Variants in TET2 observed in about 807,000 individuals in gnomAD.
TET2 encodes the protein methylcytosine dioxygenase TET2.
In TET2, 299 loss-of-function variants were observed where a neutral mutation model predicts 142.9. The observed-to-expected ratio is 2.09, with a 90% CI of 1.90 to 2.30. TET2 has a LOEUF of 2.30. Among genes scored for constraint, TET2 ranks in the 30% most tolerant of loss-of-function variants. The pLI is 0.00. For missense variants in TET2, 2,418 were observed against 2,378.0 expected (o/e 1.02, Z -0.35); for synonymous variants, 819 against 849.0 (o/e 0.96, Z 0.61).
rs772521765 is a variant in TET2, at chr4:105,234,397, G to A, written c.455G>A (p.Ser152Asn). The A allele has an allele frequency of 3.7e-6, 6 of 1,613,910 alleles. No individual in the cohort carries two copies. Among genetic ancestry groups the A allele is most frequent in the South Asian group, 2.2e-5 (2 of 91,074 alleles). Residue 152 changes from serine (S) to asparagine (N), a missense_variant, in exon 3 of 11, where the codon AGT becomes AAT. Physicochemically the swap from Ser to Asn is conservative, Grantham distance 46. Transcript: ENST00000380013. Reference sequence around the variant, plus strand: ...TTGAGTGATAAGAAAGAATCTGTGAGTTCTGTAGCCCAAGAAAATGCAGTT... The same window carrying A: ...TTGAGTGATAAGAAAGAATCTGTGAATTCTGTAGCCCAAGAAAATGCAGTT... ...SDLSDKKESVSSVAQENAVKD... is the reference protein window; with the variant it reads ...SDLSDKKESVNSVAQENAVKD...
In TET2 at chr4:105,236,265, T is replaced by G; in HGVS notation, c.2323T>G (p.Phe775Val). 1.2e-6 allele frequency: 2 copies of G among 1,614,140 alleles called. No individual in the cohort carries two copies. The highest frequency in any genetic ancestry group is 1.7e-6 in the Non-Finnish European group (2 of 1,180,026). Residue 775 changes from phenylalanine to valine, a missense_variant, in exon 3 of 11, where the codon TTC becomes GTC. Phe to Val is a conservative substitution (Grantham distance 50). Transcript: ENST00000380013. ...SNNDQQREGS[F>V]FGQTKVEECF... ...CAATGATCAGCAAAGAGAAGGATCA[T>G]TCTTTGGCCAGACTAAAGTGGAAGA...
intron 2 of TET2, among the ~76,000 whole-genome samples, chr4:105,218,749 TTAAA>T (rs1351250163): frequency 6.6e-6 from 1 of 152,074 alleles, no homozygotes; most frequent in Non-Finnish European, 1.5e-5. Context: ...GTCTTCTCAG[TTAAA>T]TAATTAAAGA....
intron 2 of TET2, among the ~76,000 whole-genome samples, chr4:105,216,564 T>C (rs1273780130): frequency 1.3e-5 from 2 of 152,096 alleles, no homozygotes; most frequent in South Asian, 2.1e-4. Context: ...TGGTGATATT[T>C]GAAGTGTTTA....
At chr4:105,200,637 TGTTTG>T (rs1560746904) in intron 2 of TET2, among the ~76,000 whole-genome samples, 23 of 149,208 alleles carry the variant, frequency 1.5e-4, no homozygotes, top group African/African-American at 5.2e-4. Context: ...TGTTTTTTTT[TGTTTG>T]TTTTGTTTTT....
At chr4:105,176,669 A>G (rs971231165) in intron 1 of TET2, among the ~76,000 whole-genome samples, 5 of 152,214 alleles carry the variant, frequency 3.3e-5, no homozygotes, top group African/African-American at 9.6e-5. Flanking sequence ...TTACATGTTC[A>G]TTGTCAAGAT....
chr4:105,185,996 G>A (rs557894609), intron 1 of TET2, among the ~76,000 whole-genome samples: 4 of 152,270 alleles, frequency 2.6e-5, no homozygotes, highest in South Asian at 4.1e-4. Flanking sequence ...GAAGGTTGAC[G>A]CAGGTGGATC....
Position 105,242,367 on chromosome 4 carries a change from C to A in TET2, c.3501-467C>A, listed in dbSNP as rs1052276476. On this transcript the variant is annotated intron_variant, in intron 4 of 10. Transcript: ENST00000380013. ...TATTTCTAGGACTATTCCATATTTT[C>A]CATGTGGCTGGATACTAACTATTTG... 7.4e-6 allele frequency: 8 copies of A among 1,078,734 alleles called. No individual in the cohort carries two copies. In the African/African-American group the frequency reaches 1.3e-4, roughly 18 times the overall value. 66.8% of individuals were successfully genotyped at this position (1,078,734 alleles called of 1,614,324 possible).
chr4:105,214,460 C>T (rs899026191), intron 2 of TET2, among the ~76,000 whole-genome samples: 7 of 149,726 alleles, frequency 4.7e-5, no homozygotes, highest in African/African-American at 1.7e-4. Context: ...GCACATGCCA[C>T]CACACCTGGC....
rs182034404 is a variant in TET2 at position 105,238,232 on chromosome 4, G to A, written c.3409+881G>A. ...CTAATCTTTTTGCTGGTGGAGGGTC[G>A]TGCTTCAGTATTGATCGCTGTGGAC... is the stretch of plus-strand genomic sequence containing the variant. On this transcript the variant is annotated intron_variant, in intron 3 of 10. Transcript: ENST00000380013. 19 of 236,614 alleles carry A rather than the reference G, an allele frequency of 8.0e-5. No homozygotes were observed. In the East Asian group the frequency reaches 8.5e-4, roughly 11 times the overall value. The allele number at this position is 236,614 out of a possible 1,614,324, so 14.7% of individuals were successfully genotyped here.
intron 6 of TET2, among the ~76,000 whole-genome samples, chr4:105,255,729 G>A (rs979945505): frequency 8.6e-5 from 13 of 151,860 alleles, no homozygotes; most frequent in Middle Eastern, 3.2e-3. Flanking sequence ...TGTAGATATC[G>A]TATAGTTAAA....
chr4:105,247,580 T>C (rs1328372109), intron 6 of TET2, among the ~76,000 whole-genome samples: 1 of 152,168 alleles, frequency 6.6e-6, no homozygotes, highest in Non-Finnish European at 1.5e-5. Context: ...TTAAAGAAAC[T>C]GTGATTTTCT....
At chr4:105,246,295 T>G (rs1368130259) in intron 6 of TET2, among the ~76,000 whole-genome samples, 5 of 152,174 alleles carry the variant, frequency 3.3e-5, no homozygotes, top group Non-Finnish European at 2.9e-5. Context: ...CATGAAGAAC[T>G]TTTATTATTT....
chr4:105,179,693 T>C (rs1169096615), intron 1 of TET2, among the ~76,000 whole-genome samples: 2 of 152,240 alleles, frequency 1.3e-5, no homozygotes, highest in Non-Finnish European at 2.9e-5. Context: ...TTTCTGATAA[T>C]GCATGACTTC....
chr4:105,212,954 C>T (rs1424776224), intron 2 of TET2, among the ~76,000 whole-genome samples: 1 of 152,034 alleles, frequency 6.6e-6, no homozygotes, highest in Non-Finnish European at 1.5e-5. Flanking sequence ...TGTGCCACTG[C>T]ACTCTAGCCT....
rs1309237242 is a variant in TET2, at chr4:105,234,373, T to A, written c.431T>A (p.Leu144Ter). Reference protein sequence around the residue: ...GESSQPNVSDLSDKKESVSSV... With the variant: ...GESSQPNVSD ...AGCAGTCAACCAAATGTCTCCGATT[T>A]GAGTGATAAGAAAGAATCTGTGAGT... Residue 144 changes from leucine to a stop codon, truncating the protein, a stop_gained, in exon 3 of 11, where the codon TTG becomes TAG. Transcript: ENST00000380013. LOFTEE classifies it high-confidence loss of function. 6.2e-7 allele frequency: 1 copy of A among 1,613,918 alleles called. No individual in the cohort carries two copies. The highest frequency in any genetic ancestry group is 8.5e-7 in the Non-Finnish European group (1 of 1,180,018).
chr4:105,248,722 A>G (rs1729707794), intron 6 of TET2, among the ~76,000 whole-genome samples: 1 of 152,196 alleles, frequency 6.6e-6, no homozygotes, highest in South Asian at 2.1e-4. Flanking sequence ...ACATTCACAA[A>G]GCTATGCAAA....
At chr4:105,241,242 G>A (rs1170140598) in intron 3 of TET2, 97 bp from the exon 4 acceptor site, 23 of 1,387,490 alleles carry the variant, frequency 1.7e-5, no homozygotes, top group Non-Finnish European at 2.2e-5. Context: ...CACTTTTAGA[G>A]CCCTTAATGT....
chr4:105,178,843 G>A (rs1724958630), intron 1 of TET2, among the ~76,000 whole-genome samples: 1 of 152,104 alleles, frequency 6.6e-6, no homozygotes, highest in African/African-American at 2.4e-5. Flanking sequence ...CTAGTTGAAT[G>A]TATCAGTTCA....
chr4:105,275,744 G>A lies in TET2; in HGVS notation c.5234G>A (p.Ser1745Asn), dbSNP rs2110314348. ...GATSRLPPNL[S>N]NPNMDYKNGE... Reference sequence around the variant, plus strand: ...ACCTCTAGATTACCACCCAATCTGAGCAATCCAAACATGGACTATAAAAAT... The same window carrying A: ...ACCTCTAGATTACCACCCAATCTGAACAATCCAAACATGGACTATAAAAAT... Residue 1745 changes from serine (S) to asparagine (N), a missense_variant, in exon 11 of 11, where the codon AGC becomes AAC. By Grantham distance (46) the Ser-to-Asn change is conservative. Coordinates refer to ENST00000380013, the MANE Select transcript of TET2 (RefSeq NM_001127208.3). 1.9e-6 allele frequency: 3 copies of A among 1,551,764 alleles called. No individual in the cohort carries two copies. The South Asian group carries it at 3.6e-5, about 18-fold the overall frequency.
Sources: allele counts gnomAD v4.1 joint callset (sites outside exome capture counted in the v4.1 genomes callset), GRCh38; gene constraint gnomAD v4.1.1; transcripts MANE v1.5; gene names NCBI Gene and HGNC (gene_info 2026-07-23, HGNC 2026-07-21).